The following SNAPC1 variants were observed in gnomAD, a reference collection of about 807,000 sequenced individuals.
The protein encoded by SNAPC1 is small nuclear RNA activating complex polypeptide 1.
SNAPC1 carries 42 observed loss-of-function variants against 50.1 expected under a neutral mutation model. The ratio of observed to expected loss-of-function variants is 0.84; its 90% CI spans 0.65 to 1.08. The LOEUF is 1.08. Ranked by LOEUF, SNAPC1 falls within the 50% of genes least tolerant of loss-of-function variation. The pLI is 0.00. For synonymous variants in SNAPC1, 164 were observed against 144.2 expected (o/e 1.14, Z -0.98); for missense variants, 477 against 427.3 (o/e 1.12, Z -1.02).
chr14:61,794,922 A>G, intron 9 of SNAPC1, 27 bp from the exon 10 acceptor site: 2 of 1,528,164 alleles, frequency 1.3e-6, no homozygotes, highest in Non-Finnish European at 1.8e-6. Flanking sequence ...TTTAGATCTG[A>G]CTGACTTTTA....
intron 8 of SNAPC1, among the ~76,000 whole-genome samples, chr14:61,790,632 C>T (rs1288842385): frequency 1.3e-5 from 2 of 152,208 alleles, no homozygotes; most frequent in African/African-American, 4.8e-5. Flanking sequence ...CCACCGCACC[C>T]GGCTATGTAA....
chr14:61,788,005 A>C (rs1309525927), intron 8 of SNAPC1, among the ~76,000 whole-genome samples: 1 of 152,226 alleles, frequency 6.6e-6, no homozygotes, highest in African/African-American at 2.4e-5. Context: ...GAAAAGAAAG[A>C]AGTTAAATGA....
chr14:61,783,528 G>GCTTTTTTTTT (rs1261440363), intron 8 of SNAPC1, among the ~76,000 whole-genome samples: 1 of 110,134 alleles, frequency 9.1e-6, no homozygotes, highest in African/African-American at 3.6e-5. Flanking sequence ...GTTTGGTTTG[G>GCTTTTTTTTT]TTTTTTTTTT....
intron 8 of SNAPC1, among the ~76,000 whole-genome samples, chr14:61,784,952 G>T (rs1377143869): frequency 6.6e-6 from 1 of 152,086 alleles, no homozygotes; most frequent in Non-Finnish European, 1.5e-5. Flanking sequence ...ATTCTAAAGA[G>T]AATTTGCTGA....
chr14:61,766,043 T>G (rs1284626297), intron 1 of SNAPC1, among the ~76,000 whole-genome samples: 2 of 152,248 alleles, frequency 1.3e-5, no homozygotes, highest in African/African-American at 4.8e-5. Context: ...TTCCTCCCCA[T>G]CTAATTAAGA....
intron 7 of SNAPC1, among the ~76,000 whole-genome samples, chr14:61,779,155 C>T (rs2045054630): frequency 6.6e-6 from 1 of 152,100 alleles, no homozygotes; most frequent in African/African-American, 2.4e-5. Flanking sequence ...ATTTTGATGC[C>T]ATTTCCTTTA....
intron 5 of SNAPC1, among the ~76,000 whole-genome samples, chr14:61,776,532 T>G (rs559634293): frequency 6.6e-6 from 1 of 152,322 alleles, no homozygotes; most frequent in African/African-American, 2.4e-5. Context: ...AATTTGGCAT[T>G]TTTTAGGGGT....
Position 61,762,426 on chromosome 14 carries a change from G to C in SNAPC1, c.-35G>C, listed in dbSNP as rs1191048032. On this transcript the variant is annotated 5_prime_UTR_variant, in exon 1 of 10. Transcript: ENST00000216294. ...CACCGCTGGCTAGTCCGTTAGAGGCGTGCGGGCTTCGGAGGCGTGCGGGCT... is the reference window on the plus strand; with the variant it reads ...CACCGCTGGCTAGTCCGTTAGAGGCCTGCGGGCTTCGGAGGCGTGCGGGCT... 6.2e-7 allele frequency: 1 copy of C among 1,604,706 alleles called. No homozygotes were observed. The highest frequency in any genetic ancestry group is 8.5e-7 in the Non-Finnish European group (1 of 1,177,398).
intron 8 of SNAPC1, among the ~76,000 whole-genome samples, chr14:61,789,928 C>T (rs145792005): frequency 2.0e-5 from 3 of 152,012 alleles, no homozygotes; most frequent in Non-Finnish European, 4.4e-5. Context: ...AGGGCTGTTG[C>T]GGTAGTTCAG....
At chr14:61,779,580 T>G (rs772658285) in intron 7 of SNAPC1, among the ~76,000 whole-genome samples, 3 of 151,986 alleles carry the variant, frequency 2.0e-5, no homozygotes, top group African/African-American at 4.8e-5. Context: ...TTAAATGTAT[T>G]TTTCTTTTTC....
In SNAPC1 at chr14:61,773,620, TCTCCTGAC is replaced by T. The variant is rs1420426451; in HGVS notation, c.535-2471_535-2464del. Among the ~76,000 whole-genome samples the T allele has an allele frequency of 4.6e-4, 69 of 151,596 alleles. 1 individual carries two copies. Among genetic ancestry groups the T allele is most frequent in the African/African-American group, 1.6e-3 (67 of 41,332 alleles). ...ACCGTGTTAGTCAGGATGGTCTTGATCTCCTGACCTCATGATCCGCCCGCCTCGGCCTC... is the reference window on the plus strand; with the variant it reads ...ACCGTGTTAGTCAGGATGGTCTTGATCTCATGATCCGCCCGCCTCGGCCTC... On this transcript the variant is annotated intron_variant, in intron 4 of 9. Transcript: ENST00000216294.
rs2045180041 is a variant in SNAPC1 at position 61,795,155 on chromosome 14, G to A, written c.*172G>A. The A allele has an allele frequency of 5.7e-6, 3 of 527,246 alleles. No homozygotes were observed. In the South Asian group the frequency reaches 8.1e-5, roughly 14 times the overall value. The allele number at this position is 527,246 out of a possible 1,614,324, so 32.7% of individuals were successfully genotyped here. A position where few individuals can be genotyped will look rare whatever the true frequency, so the allele number is the denominator to read the frequency against. On this transcript the variant is annotated 3_prime_UTR_variant, in exon 10 of 10. Coordinates refer to ENST00000216294, the MANE Select transcript of SNAPC1 (RefSeq NM_003082.4). Reference sequence around the variant, plus strand: ...TCTAGAATAAAAGTACAAAAAATTAGAATAAGAATTCTTTAACATTTTCTT... The same window carrying A: ...TCTAGAATAAAAGTACAAAAAATTAAAATAAGAATTCTTTAACATTTTCTT...
At chr14:61,775,299 C>G (rs2045026399) in intron 4 of SNAPC1, among the ~76,000 whole-genome samples, 1 of 151,580 alleles carries the variant, frequency 6.6e-6, no homozygotes, top group South Asian at 2.1e-4. Context: ...GTTACCCCTG[C>G]TGGAGTGCGG....
rs776505174 is a variant in SNAPC1 at position 61,794,908 on chromosome 14, T to C, written c.1073-41T>C. The C allele has an allele frequency of 8.4e-6, 12 of 1,429,268 alleles. No individual in the cohort carries two copies. In the African/African-American group the frequency reaches 1.7e-4, roughly 20 times the overall value. 88.5% of individuals were successfully genotyped at this position (1,429,268 alleles called of 1,614,324 possible). ...TTGTTTTTTTTGTTTGTTTTTTTTT[T>C]GTTTTTAGATCTGACTGACTTTTAA... On this transcript the variant is annotated intron_variant, in intron 9 of 9. Transcript: ENST00000216294.
At chr14:61,764,006 A>G (rs962508133) in intron 1 of SNAPC1, among the ~76,000 whole-genome samples, 1 of 151,958 alleles carries the variant, frequency 6.6e-6, no homozygotes, top group African/African-American at 2.4e-5. Context: ...GCGATCTCCT[A>G]TCACTGCAAC....
At chr14:61,789,323 A>G (rs1002304609) in intron 8 of SNAPC1, among the ~76,000 whole-genome samples, 6 of 152,190 alleles carry the variant, frequency 3.9e-5, no homozygotes, top group Non-Finnish European at 8.8e-5. Flanking sequence ...TTATCTATAC[A>G]TTTCATAGTG....
rs140945950 is a variant in SNAPC1, at chr14:61,782,365, C to T, written c.944C>T (p.Pro315Leu). The change falls in exon 8 of 10, where the codon CCA becomes CTA. Residue 315 changes from proline to leucine, a missense_variant. Transcript: ENST00000216294. ...AAAGAGAAGAAAGAAAGATTGAAAC[C>T]AGCAGGAAGGAAGATGTCTCTCAGA... ...RKKEKKERLKPAGRKMSLRNK... is the reference protein window; with the variant it reads ...RKKEKKERLKLAGRKMSLRNK... The T allele has an allele frequency of 2.9e-4, 463 of 1,612,746 alleles. No individual in the cohort carries two copies. Among genetic ancestry groups the T allele is most frequent in the Non-Finnish European group, 3.1e-4 (368 of 1,179,596 alleles).
At chr14:61,762,961 C>T (rs1594897475) in intron 1 of SNAPC1, among the ~76,000 whole-genome samples, 2 of 148,958 alleles carry the variant, frequency 1.3e-5, no homozygotes. Flanking sequence ...ATTAATTTTT[C>T]CTCCAACAAC....
chr14:61,762,749 C>A (rs1168183794), intron 1 of SNAPC1, among the ~76,000 whole-genome samples, 161 bp downstream of exon 1: 1 of 152,032 alleles, frequency 6.6e-6, no homozygotes, highest in Non-Finnish European at 1.5e-5. Flanking sequence ...TCAGGCAACG[C>A]GCTTTCCCTG....
Sources: gnomAD v4.1 joint callset for allele counts (sites outside exome capture counted in the v4.1 genomes callset) on GRCh38, gnomAD v4.1.1 for gene constraint, MANE v1.5 for transcripts, NCBI Gene and HGNC (gene_info 2026-07-23, HGNC 2026-07-21) for gene names.